The following IGSF21 variants were observed in gnomAD, a reference collection of about 807,000 sequenced individuals.
IGSF21 encodes immunoglobin superfamily member 21, also known as immunoglobulin superfamily member 21.
In IGSF21, 28 loss-of-function variants were observed where a neutral mutation model predicts 46.8. The ratio of observed to expected loss-of-function variants is 0.60; its 90% CI spans 0.44 to 0.82. The LOEUF (loss-of-function observed/expected upper bound fraction) is 0.82. Ranked by LOEUF, IGSF21 falls within the 40% of genes least tolerant of loss-of-function variation. The probability of loss-of-function intolerance (pLI) is 0.00; values close to 1 mark genes in which losing one functional copy is unlikely to be tolerated. For missense variants in IGSF21, 624 were observed against 665.5 expected (o/e 0.94, Z 0.69); for synonymous variants, 284 against 273.6 (o/e 1.04, Z -0.38).
chr1:18,190,130 C>T (rs1040998456), intron 1 of IGSF21, among the ~76,000 whole-genome samples: 3 of 152,192 alleles, frequency 2.0e-5, no homozygotes, highest in Non-Finnish European at 4.4e-5. Flanking sequence ...GTGATGCTCT[C>T]CAGAGGTGGC....
intron 1 of IGSF21, among the ~76,000 whole-genome samples, chr1:18,209,337 A>C (rs1039271034): frequency 6.6e-6 from 1 of 152,184 alleles, no homozygotes; most frequent in African/African-American, 2.4e-5. Context: ...TAACATAACA[A>C]GATTCCTGGC....
At chr1:18,274,496 C>T (rs1410728333) in intron 2 of IGSF21, among the ~76,000 whole-genome samples, 2 of 152,280 alleles carry the variant, frequency 1.3e-5, no homozygotes, top group African/African-American at 4.8e-5. Context: ...TTGGCCAAAT[C>T]TGGCCATCTG....
intron 2 of IGSF21, among the ~76,000 whole-genome samples, chr1:18,235,400 A>C (rs574366977): frequency 6.6e-6 from 1 of 152,356 alleles, no homozygotes; most frequent in South Asian, 2.1e-4. Context: ...AATAAGGAAG[A>C]TACCAGCTAA....
intron 1 of IGSF21, among the ~76,000 whole-genome samples, chr1:18,182,338 G>A (rs1278244925): frequency 3.3e-5 from 5 of 151,914 alleles, no homozygotes; most frequent in African/African-American, 4.8e-5. Flanking sequence ...CACCACATCC[G>A]GCTAATTTTT....
chr1:18,355,095 G>A (rs1348139948), intron 4 of IGSF21, among the ~76,000 whole-genome samples: 1 of 152,234 alleles, frequency 6.6e-6, no homozygotes, highest in Non-Finnish European at 1.5e-5. Flanking sequence ...CAGAGCCTGG[G>A]CTAGAACCTT....
chr1:18,325,409 G>A (rs186694081), intron 3 of IGSF21, among the ~76,000 whole-genome samples: 1 of 152,294 alleles, frequency 6.6e-6, no homozygotes, highest in African/African-American at 2.4e-5. Flanking sequence ...ATGGACTGAG[G>A]GGGAGGGAGA....
chr1:18,211,974 G>A (rs998624264), intron 1 of IGSF21, among the ~76,000 whole-genome samples: 2 of 152,200 alleles, frequency 1.3e-5, no homozygotes, highest in African/African-American at 4.8e-5. Flanking sequence ...AGGCCCATGT[G>A]GAGCAGCCAA....
chr1:18,363,904 A>C (rs2086131059), intron 5 of IGSF21, among the ~76,000 whole-genome samples: 1 of 152,168 alleles, frequency 6.6e-6, no homozygotes, highest in Non-Finnish European at 1.5e-5. Context: ...GGACCCAAAA[A>C]GGTAGCTTCA....
intron 3 of IGSF21, among the ~76,000 whole-genome samples, chr1:18,295,628 G>A (rs1373453603): frequency 6.6e-6 from 1 of 152,162 alleles, no homozygotes; most frequent in Non-Finnish European, 1.5e-5. Flanking sequence ...GGAGCCCTCT[G>A]TGAAAGGGAG....
intron 1 of IGSF21, among the ~76,000 whole-genome samples, chr1:18,127,192 G>A (rs2086281644): frequency 6.6e-6 from 1 of 152,164 alleles, no homozygotes; most frequent in African/African-American, 2.4e-5. Flanking sequence ...GCCAGGTCAG[G>A]CAAGGGCTTT....
intron 1 of IGSF21, among the ~76,000 whole-genome samples, chr1:18,157,014 C>G (rs1428360112): frequency 6.6e-6 from 1 of 152,130 alleles, no homozygotes; most frequent in Non-Finnish European, 1.5e-5. Flanking sequence ...ATCCCAGCTA[C>G]TTGGGAGGCT....
chr1:18,184,677 C>A (rs2086887315), intron 1 of IGSF21, among the ~76,000 whole-genome samples: 1 of 152,128 alleles, frequency 6.6e-6, no homozygotes, highest in Non-Finnish European at 1.5e-5. Context: ...TTGTGGGTAT[C>A]CTGCCTCTTT....
intron 2 of IGSF21, among the ~76,000 whole-genome samples, chr1:18,286,948 G>A (rs942178571): frequency 1.3e-5 from 2 of 152,082 alleles, no homozygotes; most frequent in Non-Finnish European, 2.9e-5. Flanking sequence ...TTGGGAGGCC[G>A]AGGCGGGCGG....
intron 2 of IGSF21, among the ~76,000 whole-genome samples, chr1:18,252,159 T>G (rs1378943431): frequency 1.3e-5 from 2 of 148,768 alleles, no homozygotes; most frequent in Non-Finnish European, 3.0e-5. Context: ...CATGCCATTC[T>G]CCTGCCTCAG....
chr1:18,359,383 A>AAAGAAAGAAAGAATGGAAGGAAGGAAGG, intron 4 of IGSF21, among the ~76,000 whole-genome samples: 1 of 61,106 alleles, frequency 1.6e-5, no homozygotes, highest in African/African-American at 6.7e-5. Flanking sequence ...AGAAAGAAAG[A>AAAGAAAGAAAGAATGGAAGGAAGGAAGG]AAGGAAGGAA....
rs371585688 is a variant in IGSF21, at chr1:18,344,098, C to T, written c.424+9088C>T. On this transcript the variant is annotated intron_variant, in intron 4 of 9. Coordinates refer to ENST00000251296, the MANE Select transcript of IGSF21 (RefSeq NM_032880.5). Reference sequence around the variant, plus strand: ...TGCTTTCTAAGACCAGATTCTTGAACGTGATTCTCTGGAATCCCAGCCTGG... The same window carrying T: ...TGCTTTCTAAGACCAGATTCTTGAATGTGATTCTCTGGAATCCCAGCCTGG... 9.3e-4 allele frequency among the ~76,000 whole-genome samples: 142 copies of T among 152,278 alleles called. 2 individuals carry two copies. Among genetic ancestry groups the T allele is most frequent in the African/African-American group, 3.2e-3 (133 of 41,554 alleles).
Position 18,365,895 on chromosome 1 carries a change from C to T in IGSF21, c.1015+198C>T, listed in dbSNP as rs1380403804. ...GCTGGATTGGAGAAGATGGGAGGTACCCACAGGCCAAGGTAGTTTGCTGGG... is the reference window on the plus strand; with the variant it reads ...GCTGGATTGGAGAAGATGGGAGGTATCCACAGGCCAAGGTAGTTTGCTGGG... On this transcript the variant is annotated intron_variant, in intron 6 of 9. Coordinates refer to ENST00000251296, the MANE Select transcript of IGSF21 (RefSeq NM_032880.5). This position sits in a 1 kb window ranked among gnomAD's most constrained non-coding sequence, Gnocchi z 4.8. 6.6e-6 allele frequency among the ~76,000 whole-genome samples: 1 copy of T among 152,170 alleles called. No individual in the cohort carries two copies. The highest frequency in any genetic ancestry group is 2.4e-5 in the African/African-American group (1 of 41,486).
chr1:18,238,212 A>C (rs2084691078), intron 2 of IGSF21, among the ~76,000 whole-genome samples: 1 of 152,298 alleles, frequency 6.6e-6, no homozygotes, highest in South Asian at 2.1e-4. Flanking sequence ...ATCAAGGTCC[A>C]TATTTAGGTT....
At chr1:18,114,437 A>C (rs1467935134) in intron 1 of IGSF21, 1 of 152,204 alleles carries the variant, frequency 6.6e-6, no homozygotes, top group Non-Finnish European at 1.5e-5. Context: ...GTTTTGAAAA[A>C]GACTGAGCAT....
Sources: gnomAD v4.1 joint callset for allele counts (sites outside exome capture counted in the v4.1 genomes callset) on GRCh38, gnomAD v4.1.1 for gene constraint, Gnocchi (gnomAD v3.1) non-coding constraint, MANE v1.5 for transcripts, NCBI Gene and HGNC (gene_info 2026-07-23, HGNC 2026-07-21) for gene names.